Variants in USH2A observed in about 807,000 individuals in gnomAD.
The protein encoded by USH2A is Usher syndrome 2A (autosomal recessive, mild).
In USH2A, 443 loss-of-function variants were observed where a neutral mutation model predicts 538.9. The ratio of observed to expected loss-of-function variants is 0.82; its 90% CI spans 0.76 to 0.89. USH2A has a LOEUF of 0.89. Ranked by LOEUF, USH2A falls within the 40% of genes least tolerant of loss-of-function variation. The pLI is 0.00. For missense variants in USH2A, 6,633 were observed against 6,324.8 expected (o/e 1.05, Z -1.65); for synonymous variants, 2,413 against 2,273.5 (o/e 1.06, Z -1.75).
At chr1:215,764,727 T>C (rs1399323388) in intron 56 of USH2A, among the ~76,000 whole-genome samples, 1 of 152,194 alleles carries the variant, frequency 6.6e-6, no homozygotes, top group African/African-American at 2.4e-5. Context: ...ATTAGTTATG[T>C]CTGGGTGGAT....
At chr1:215,994,009 C>T (rs1668074481) in intron 34 of USH2A, among the ~76,000 whole-genome samples, 1 of 151,974 alleles carries the variant, frequency 6.6e-6, no homozygotes, top group Non-Finnish European at 1.5e-5. Flanking sequence ...GGTTTTCAGC[C>T]CATATTTGCT....
intron 44 of USH2A, among the ~76,000 whole-genome samples, chr1:215,852,372 A>G (rs1464334705): frequency 6.6e-6 from 1 of 152,178 alleles, no homozygotes. Context: ...TGATTCAATT[A>G]TCTCCCACTG....
chr1:215,804,453 C>G (rs1384031252), intron 49 of USH2A, among the ~76,000 whole-genome samples: 2 of 151,704 alleles, frequency 1.3e-5, no homozygotes, highest in Non-Finnish European at 1.5e-5. Flanking sequence ...AACAAACAAC[C>G]CCATCAAAAA....
chr1:216,026,912 A>G (rs1482812748), intron 32 of USH2A, among the ~76,000 whole-genome samples: 1 of 152,202 alleles, frequency 6.6e-6, no homozygotes, highest in Non-Finnish European at 1.5e-5. Context: ...ATGAATGAAG[A>G]AGTGAATTAA....
In USH2A at chr1:216,246,766, A is replaced by T. The variant is rs768522338; in HGVS notation, c.2628T>A (p.Gly876=). ...GQCPCKLGVT[G]LRCNQCEPHR... Reference sequence around the variant, plus strand: ...GAGGCTCACACTGATTACAGCGAAGACCTGTTACCCCTAATTTGCAAGGAC... The same window carrying T: ...GAGGCTCACACTGATTACAGCGAAGTCCTGTTACCCCTAATTTGCAAGGAC... Residue 876 remains glycine (G), a synonymous_variant, in exon 13 of 72, where the codon GGT becomes GGA. Transcript: ENST00000307340. The T allele has an allele frequency of 6.4e-5, 104 of 1,613,974 alleles. No homozygotes were observed. The highest frequency in any genetic ancestry group is 8.3e-5 in the Non-Finnish European group (98 of 1,179,992).
intron 14 of USH2A, among the ~76,000 whole-genome samples, chr1:216,231,267 T>TGGG (rs1273002623): frequency 8.9e-6 from 1 of 111,916 alleles, no homozygotes; most frequent in African/African-American, 3.1e-5. Context: ...ATAATATATA[T>TGGG]ATATAATATA....
chr1:215,925,012 G>A (rs1666202698), intron 38 of USH2A, among the ~76,000 whole-genome samples: 1 of 152,002 alleles, frequency 6.6e-6, no homozygotes, highest in East Asian at 1.9e-4. Flanking sequence ...TTATAAGCAG[G>A]AAGTTCATTG....
At chr1:216,412,476 G>C (rs2039504709) in intron 3 of USH2A, among the ~76,000 whole-genome samples, 1 of 151,904 alleles carries the variant, frequency 6.6e-6, no homozygotes, top group Non-Finnish European at 1.5e-5. Flanking sequence ...TATCGCAACT[G>C]CCATAAAACA....
rs111033479 is a variant in USH2A, at chr1:216,421,859, C to T, written c.478G>A (p.Gly160Ser). 622 of 1,613,902 alleles carry T rather than the reference C, an allele frequency of 3.9e-4. No homozygotes were observed. In the African/African-American group the frequency reaches 7.5e-3, roughly 19 times the overall value. Reference sequence around the variant, plus strand: ...ACCTACACTACTACTTACATTACACCTTGTTGCTCAGGTTTCAGCCATACA... The same window carrying T: ...ACCTACACTACTACTTACATTACACTTTGTTGCTCAGGTTTCAGCCATACA... ...LAVWLKPEQQ[G>S]VMCVIEKTVD... Residue 160 changes from glycine to serine, a missense_variant, in exon 2 of 72, where the codon GGT (glycine) becomes AGT (serine). Gly to Ser is a moderately conservative substitution (Grantham distance 56). Transcript: ENST00000307340.
At chr1:216,413,351 C>T (rs949690186) in intron 3 of USH2A, among the ~76,000 whole-genome samples, 2 of 151,996 alleles carry the variant, frequency 1.3e-5, no homozygotes, top group African/African-American at 4.8e-5. Context: ...AGGAGGCTTC[C>T]ATAAGGTGAC....
intron 4 of USH2A, among the ~76,000 whole-genome samples, chr1:216,336,425 A>C (rs556661755): frequency 9.9e-5 from 15 of 151,256 alleles, no homozygotes; most frequent in Non-Finnish European, 1.6e-4. Flanking sequence ...AGCAGAAGAA[A>C]TAAATCTTTC....
intron 30 of USH2A, among the ~76,000 whole-genome samples, chr1:216,050,333 T>C (rs932845962): frequency 6.6e-5 from 10 of 152,064 alleles, no homozygotes; most frequent in Admixed American, 2.0e-4. Context: ...CAGATAATAA[T>C]AATCTCGGTC....
At chr1:216,021,248 C>T (rs1668838085) in intron 32 of USH2A, among the ~76,000 whole-genome samples, 1 of 152,074 alleles carries the variant, frequency 6.6e-6, no homozygotes, top group African/African-American at 2.4e-5. Flanking sequence ...ATTGTAGCTC[C>T]CATAATTCCC....
chr1:215,630,470 GTA>G lies in USH2A; in HGVS notation c.15298-1437_15298-1436del, dbSNP rs756773426. Among the ~76,000 whole-genome samples the G allele has an allele frequency of 8.2e-3, 731 of 88,804 alleles. 8 individuals carry two copies. The highest frequency in any genetic ancestry group is 0.049 in the South Asian group (116 of 2,386). 58.3% of individuals were successfully genotyped at this position (88,804 alleles called of 152,430 possible). The stretch of plus-strand genomic sequence containing the variant: ...TATATATGTGAATATATATGTATGT[GTA>G]TGTGTGTGTGTATATATATATATAT... On this transcript the variant is annotated intron_variant, in intron 70 of 71. Transcript: ENST00000307340.
At chr1:216,170,934 C>T (rs1461477978) in intron 21 of USH2A, among the ~76,000 whole-genome samples, 1 of 152,014 alleles carries the variant, frequency 6.6e-6, no homozygotes, top group Non-Finnish European at 1.5e-5. Flanking sequence ...GTATTTTTAA[C>T]CCCATGTAAC....
chr1:216,134,056 C>G (rs301739), intron 21 of USH2A, among the ~76,000 whole-genome samples: 1 of 151,924 alleles, frequency 6.6e-6, no homozygotes, highest in African/African-American at 2.4e-5. Context: ...AATACTAATA[C>G]AGAGTCTTTT....
chr1:216,073,739 G>C (rs1432794441), intron 27 of USH2A, among the ~76,000 whole-genome samples: 1 of 152,224 alleles, frequency 6.6e-6, no homozygotes, highest in Non-Finnish European at 1.5e-5. Context: ...TGATTATTCA[G>C]TAAGCTCATT....
intron 27 of USH2A, among the ~76,000 whole-genome samples, chr1:216,075,405 C>A (rs1164657823): frequency 1.3e-5 from 2 of 152,120 alleles, no homozygotes; most frequent in South Asian, 4.1e-4. Context: ...GGGATGTTTG[C>A]GAGAGGAGTG....
chr1:215,836,508 A>ATATATATATAATATATATTATATATAT (rs1663515008), intron 47 of USH2A, among the ~76,000 whole-genome samples: 2 of 29,490 alleles, frequency 6.8e-5, no homozygotes, highest in African/African-American at 2.5e-4. Context: ...AATATATATT[A>ATATATATATAATATATATTATATATAT]TATATATATA....
Sources: allele counts gnomAD v4.1 joint callset (sites outside exome capture counted in the v4.1 genomes callset), GRCh38; gene constraint gnomAD v4.1.1; transcripts MANE v1.5; gene names NCBI Gene and HGNC (gene_info 2026-07-23, HGNC 2026-07-21).